Variants in CC2D2A observed in about 807,000 individuals in gnomAD.
CC2D2A encodes the protein coiled-coil and C2 domain containing 2A.
CC2D2A carries 155 observed loss-of-function variants against 212.9 expected under a neutral mutation model. That is an observed-to-expected ratio of 0.73 (90% confidence interval 0.64 to 0.83). CC2D2A has a LOEUF of 0.83. Ranked by LOEUF, CC2D2A falls within the 40% of genes least tolerant of loss-of-function variation. CC2D2A has a pLI of 0.00. For missense variants in CC2D2A, 1,856 were observed against 1,956.2 expected (o/e 0.95, Z 0.97); for synonymous variants, 667 against 686.5 (o/e 0.97, Z 0.44).
chr4:15,581,159 A>C lies in CC2D2A; in HGVS notation c.3975+988A>C, dbSNP rs570485029. ...ATACTAATTTAGAAACAAGGTAATG[A>C]TATATCTTTTTGTAGATATAGATGT... On this transcript the variant is annotated intron_variant, in intron 30 of 36. Transcript: ENST00000424120. Among the ~76,000 whole-genome samples, 262 of 152,308 alleles carry C rather than the reference A, an allele frequency of 1.7e-3. 1 individual carries two copies. Among genetic ancestry groups the C allele is most frequent in the Non-Finnish European group, 1.5e-3 (102 of 68,020 alleles).
chr4:15,560,547 TA>T lies in CC2D2A; in HGVS notation c.2942del (p.Asn981IlefsTer4). The T allele has an allele frequency of 6.6e-7, 1 of 1,514,998 alleles. No individual in the cohort carries two copies. The highest frequency in any genetic ancestry group is 9.1e-7 in the Non-Finnish European group (1 of 1,100,368). The allele number at this position is 1,514,998 out of a possible 1,614,324, so 93.8% of individuals were successfully genotyped here. On this transcript the variant is annotated frameshift_variant, in exon 23 of 37. Coordinates refer to ENST00000424120, the MANE Select transcript of CC2D2A (RefSeq NM_001378615.1). LOFTEE classifies it high-confidence loss of function. Reference sequence around the variant, plus strand: ...TTTCCCCAGGTTAGAGAATCAGTGATAAATCGTTTCTTAATTGCAAAACAAT... The same window carrying T: ...TTTCCCCAGGTTAGAGAATCAGTGATAATCGTTTCTTAATTGCAAAACAAT... ...KYLQQVRESV[I>X]NRFLIAKQYF...
At chr4:15,521,122 T>G (rs913600857) in intron 11 of CC2D2A, among the ~76,000 whole-genome samples, 2 of 152,188 alleles carry the variant, frequency 1.3e-5, no homozygotes, top group African/African-American at 2.4e-5. Context: ...CCAAAGGGGC[T>G]GACATCTTCC....
intron 33 of CC2D2A, among the ~76,000 whole-genome samples, chr4:15,593,657 G>GT (rs1393600034): frequency 1.3e-5 from 2 of 152,052 alleles, no homozygotes; most frequent in African/African-American, 4.8e-5. Flanking sequence ...TCATCAGTCG[G>GT]TTTTTTGGCC....
chr4:15,553,098 C>A (rs1317803131), intron 18 of CC2D2A, 60 bp from the exon 19 acceptor site: 1 of 1,471,034 alleles, frequency 6.8e-7, no homozygotes, highest in African/African-American at 1.4e-5. Flanking sequence ...GCTTTCTTGC[C>A]AGGACTAGGC....
intron 4 of CC2D2A, among the ~76,000 whole-genome samples, chr4:15,499,992 G>A (rs1433304200): frequency 1.3e-5 from 2 of 151,836 alleles, no homozygotes; most frequent in Non-Finnish European, 2.9e-5. Flanking sequence ...TTTAATGACA[G>A]GGATACATTC....
rs1481267152 is a variant in CC2D2A, at chr4:15,570,505, C to G, written c.3594+9C>G. ...TATATTTCCAAGCAAGGGTAAGTAT[C>G]TAAAGTTAGAGGTCCATGAGAGCAG... On this transcript the variant is annotated intron_variant, in intron 28 of 36. Coordinates refer to ENST00000424120, the MANE Select transcript of CC2D2A (RefSeq NM_001378615.1). 1 of 1,564,892 alleles carries G rather than the reference C, an allele frequency of 6.4e-7. No homozygotes were observed. The highest frequency in any genetic ancestry group is 8.8e-7 in the Non-Finnish European group (1 of 1,141,602).
chr4:15,492,424 T>C (rs957772367), intron 4 of CC2D2A, among the ~76,000 whole-genome samples: 6 of 151,336 alleles, frequency 4.0e-5, no homozygotes, highest in Non-Finnish European at 7.4e-5. Context: ...TATGAAAATA[T>C]AGTTACATCA....
chr4:15,540,674 A>G (rs1184702085), intron 16 of CC2D2A, among the ~76,000 whole-genome samples, 163 bp from the exon 17 acceptor site: 5 of 152,208 alleles, frequency 3.3e-5, no homozygotes, highest in African/African-American at 1.2e-4. Context: ...TAAATTCCAT[A>G]CTACTCTGCA....
chr4:15,482,059 C>T (rs1359541534), intron 4 of CC2D2A: 1 of 985,348 alleles, frequency 1.0e-6, no homozygotes, highest in Non-Finnish European at 1.2e-6. Flanking sequence ...GTGGATTAGA[C>T]AAGAGGAGAA....
Position 15,480,807 on chromosome 4 carries a change from C to G in CC2D2A, c.227C>G (p.Thr76Arg). Residue 76 changes from threonine (T) to arginine (R), a missense_variant, in exon 4 of 37, where the codon ACA (threonine) becomes AGA (arginine). Thr to Arg is a moderately conservative substitution (Grantham distance 71). Transcript: ENST00000424120. ...CCCAAGACCCGCCTCCTGAGTATGA[C>G]AGTCCGGAGAGGCCCACGGAGTAAG... ...EEPKTRLLSM[T>R]VRRGPRSLPP... 6.2e-7 allele frequency: 1 copy of G among 1,613,262 alleles called. No homozygotes were observed. The highest frequency in any genetic ancestry group is 8.5e-7 in the Non-Finnish European group (1 of 1,179,542).
intron 17 of CC2D2A, among the ~76,000 whole-genome samples, chr4:15,546,653 C>T (rs1205904739): frequency 6.6e-6 from 1 of 152,156 alleles, no homozygotes; most frequent in Non-Finnish European, 1.5e-5. Flanking sequence ...CTTTATGGAC[C>T]CAAGTCCAAA....
intron 7 of CC2D2A, 80 bp downstream of exon 7, chr4:15,510,320 G>T (rs960055546): frequency 3.2e-6 from 4 of 1,267,520 alleles, no homozygotes; most frequent in African/African-American, 3.0e-5. Flanking sequence ...TACAGGCCGG[G>T]TGTGGTGGCT....
intron 29 of CC2D2A, among the ~76,000 whole-genome samples, chr4:15,578,513 G>A (rs1006430640): frequency 1.3e-5 from 2 of 152,198 alleles, no homozygotes; most frequent in African/African-American, 4.8e-5. Context: ...CCACACTGGA[G>A]ATAAAAAAAC....
intron 29 of CC2D2A, among the ~76,000 whole-genome samples, chr4:15,578,218 T>C (rs1720493362): frequency 6.6e-6 from 1 of 152,180 alleles, no homozygotes; most frequent in Non-Finnish European, 1.5e-5. Context: ...ATGACTGTGA[T>C]GATGTTAAGA....
intron 4 of CC2D2A, among the ~76,000 whole-genome samples, chr4:15,484,103 G>A (rs1714862296): frequency 6.6e-6 from 1 of 152,186 alleles, no homozygotes; most frequent in Non-Finnish European, 1.5e-5. Flanking sequence ...AAGTAAACTA[G>A]ATAAACATAG....
chr4:15,550,670 C>A, intron 17 of CC2D2A, 154 bp from the exon 18 acceptor site: 1 of 469,932 alleles, frequency 2.1e-6, no homozygotes, highest in Non-Finnish European at 3.6e-6. Context: ...TCCATGGAAA[C>A]CATATAGTAA....
chr4:15,557,019 C>G (rs556359623), intron 20 of CC2D2A, among the ~76,000 whole-genome samples: 1 of 152,170 alleles, frequency 6.6e-6, no homozygotes, highest in Non-Finnish European at 1.5e-5. Flanking sequence ...TGGCACAAAT[C>G]TCTCCTTTTT....
chr4:15,542,255 GT>G, intron 17 of CC2D2A, among the ~76,000 whole-genome samples: 1 of 152,282 alleles, frequency 6.6e-6, no homozygotes, highest in East Asian at 1.9e-4. Flanking sequence ...ACCCATTACA[GT>G]GTCTTCAGTC....
At chr4:15,541,046 C>T in intron 17 of CC2D2A, 32 bp downstream of exon 17, 2 of 1,491,372 alleles carry the variant, frequency 1.3e-6, no homozygotes, top group South Asian at 1.3e-5. Flanking sequence ...ACTGGCCGGG[C>T]ACTGTGGCTC....
Sources: gnomAD v4.1 joint callset for allele counts (sites outside exome capture counted in the v4.1 genomes callset) on GRCh38, gnomAD v4.1.1 for gene constraint, MANE v1.5 for transcripts, NCBI Gene and HGNC (gene_info 2026-07-23, HGNC 2026-07-21) for gene names.